Variants in NEGR1 observed in about 807,000 individuals in gnomAD.
NEGR1 encodes the protein IgLON family member 4.
NEGR1 carries 10 observed loss-of-function variants against 40.9 expected under a neutral mutation model. The observed-to-expected ratio is 0.24, with a 90% CI of 0.15 to 0.42. The LOEUF (loss-of-function observed/expected upper bound fraction) is 0.42, where lower values mean the gene tolerates loss of function less well. NEGR1 is among the 10% of genes least tolerant of loss of function. NEGR1 has a pLI of 1.00. For synonymous variants in NEGR1, 185 were observed against 166.8 expected (o/e 1.11, Z -0.84); for missense variants, 352 against 438.9 (o/e 0.80, Z 1.77).
At chr1:72,132,284 G>A (rs1650289110) in intron 1 of NEGR1, among the ~76,000 whole-genome samples, 1 of 151,970 alleles carries the variant, frequency 6.6e-6, no homozygotes, top group African/African-American at 2.4e-5. Context: ...GATTGCATAG[G>A]TCATTCTGCC....
intron 4 of NEGR1, among the ~76,000 whole-genome samples, chr1:71,627,130 G>A (rs1307099276): frequency 2.0e-5 from 3 of 152,096 alleles, no homozygotes; most frequent in Admixed American, 1.3e-4. Context: ...ATTTGACCCA[G>A]CCATCCCATT....
At chr1:71,909,088 C>T (rs910052597) in intron 2 of NEGR1, among the ~76,000 whole-genome samples, 1 of 152,112 alleles carries the variant, frequency 6.6e-6, no homozygotes, top group African/African-American at 2.4e-5. Context: ...ACTTGAAGAA[C>T]TCCCTTTGGA....
intron 4 of NEGR1, among the ~76,000 whole-genome samples, chr1:71,661,174 T>C (rs1053716312): frequency 1.3e-5 from 2 of 152,204 alleles, no homozygotes; most frequent in Non-Finnish European, 2.9e-5. Context: ...TGTGCATGTG[T>C]CTTTATAGTA....
intron 1 of NEGR1, among the ~76,000 whole-genome samples, chr1:72,033,756 T>C (rs1414369422): frequency 6.6e-6 from 1 of 152,134 alleles, no homozygotes; most frequent in Non-Finnish European, 1.5e-5. Context: ...GTATATTGCC[T>C]AGTAAAAGCA....
intron 1 of NEGR1, among the ~76,000 whole-genome samples, chr1:72,252,465 A>C (rs141125532): frequency 6.6e-6 from 1 of 152,234 alleles, no homozygotes. Flanking sequence ...ATTTCAAACT[A>C]TAGCATATCA....
At chr1:72,173,092 G>T (rs1268238800) in intron 1 of NEGR1, among the ~76,000 whole-genome samples, 2 of 151,218 alleles carry the variant, frequency 1.3e-5, no homozygotes, top group Non-Finnish European at 2.9e-5. Context: ...CTGCAGCCTG[G>T]ACCTCCTGCA....
chr1:72,115,651 C>T (rs551898025), intron 1 of NEGR1, among the ~76,000 whole-genome samples: 2 of 151,706 alleles, frequency 1.3e-5, no homozygotes, highest in East Asian at 3.9e-4. Flanking sequence ...GGGGAAAGGT[C>T]GTGTTTTTAA....
At chr1:72,236,542 T>C (rs1174604485) in intron 1 of NEGR1, among the ~76,000 whole-genome samples, 3 of 152,042 alleles carry the variant, frequency 2.0e-5, no homozygotes, top group Admixed American at 6.6e-5. Context: ...AAATAAACAA[T>C]AGTTGGTCCT....
At chr1:72,162,892 A>G (rs1651629529) in intron 1 of NEGR1, among the ~76,000 whole-genome samples, 2 of 152,126 alleles carry the variant, frequency 1.3e-5, no homozygotes, top group Non-Finnish European at 2.9e-5. Flanking sequence ...GAGCCCTAGG[A>G]ATTAGAAAAT....
chr1:71,654,721 T>A (rs1354809272), intron 4 of NEGR1, among the ~76,000 whole-genome samples: 1 of 152,170 alleles, frequency 6.6e-6, no homozygotes, highest in Non-Finnish European at 1.5e-5. Context: ...ATGAAATCAT[T>A]CTGACAGAAA....
intron 4 of NEGR1, among the ~76,000 whole-genome samples, chr1:71,665,079 T>A (rs926757564): frequency 1.3e-5 from 2 of 152,164 alleles, no homozygotes; most frequent in African/African-American, 4.8e-5. Flanking sequence ...TTACCAAAGC[T>A]ATTTGCAAAG....
intron 2 of NEGR1, among the ~76,000 whole-genome samples, chr1:71,829,853 G>A (rs1485558065): frequency 1.3e-5 from 2 of 151,846 alleles, no homozygotes; most frequent in Non-Finnish European, 2.9e-5. Context: ...TTTGGCCAGG[G>A]AACTGTTAGG....
intron 6 of NEGR1, among the ~76,000 whole-genome samples, chr1:71,428,241 T>C (rs1050639108): frequency 2.0e-5 from 3 of 152,190 alleles, no homozygotes; most frequent in Non-Finnish European, 4.4e-5. Flanking sequence ...CTCTGGGTGC[T>C]TGCCTTCTGG....
chr1:72,049,349 A>G (rs1373002486), intron 1 of NEGR1, among the ~76,000 whole-genome samples: 1 of 151,464 alleles, frequency 6.6e-6, no homozygotes, highest in Admixed American at 6.6e-5. Context: ...AAAATACTTA[A>G]TAAATAAGCA....
Position 71,801,884 on chromosome 1 carries a change from T to A in NEGR1, c.410-25587A>T, listed in dbSNP as rs185186418. 3.9e-5 allele frequency among the ~76,000 whole-genome samples: 6 copies of A among 152,332 alleles called. No homozygotes were observed. The East Asian group carries it at 1.2e-3, about 29-fold the overall frequency. On this transcript the variant is annotated intron_variant, in intron 2 of 6. Transcript: ENST00000357731. ...CTGAAAGAAAAGAGGAAGACAGTAG[T>A]GCAAGCTATTATTGTTTTAGAGAAC...
At chr1:71,956,803 A>T (rs17091997) in intron 1 of NEGR1, among the ~76,000 whole-genome samples, 18,785 of 152,120 alleles carry the variant, frequency 0.12, 1,617 homozygotes, top group East Asian at 0.43. Flanking sequence ...TAGAATGTGA[A>T]GACCTGTACT....
At chr1:71,925,150 C>G (rs144893232) in intron 2 of NEGR1, among the ~76,000 whole-genome samples, 26 of 152,224 alleles carry the variant, frequency 1.7e-4, no homozygotes, top group African/African-American at 5.5e-4. Flanking sequence ...TTCTTGGAGT[C>G]CACAAATAGA....
intron 1 of NEGR1, among the ~76,000 whole-genome samples, chr1:72,178,965 T>G (rs1652268290): frequency 6.6e-6 from 1 of 152,020 alleles, no homozygotes; most frequent in South Asian, 2.1e-4. Flanking sequence ...GTCAGATGCA[T>G]AGTTTGTAAA....
chr1:71,882,216 T>G (rs968805815), intron 2 of NEGR1, among the ~76,000 whole-genome samples: 20 of 152,084 alleles, frequency 1.3e-4, no homozygotes, highest in Non-Finnish European at 1.8e-4. Flanking sequence ...TTTGTTGACT[T>G]TTACATTTGC....
Sources: gnomAD v4.1 joint callset for allele counts (sites outside exome capture counted in the v4.1 genomes callset) on GRCh38, gnomAD v4.1.1 for gene constraint, MANE v1.5 for transcripts, NCBI Gene and HGNC (gene_info 2026-07-23, HGNC 2026-07-21) for gene names.